Variants in EML5 observed in about 807,000 individuals in gnomAD.
EML5 encodes EMAP like 5, also known as echinoderm microtubule-associated protein-like 5.
A neutral mutation model predicts 250.0 loss-of-function variants in EML5; 120 were observed. The ratio of observed to expected loss-of-function variants is 0.48; its 90% confidence interval spans 0.41 to 0.56. EML5 has a LOEUF of 0.56. Ranked by LOEUF, EML5 falls within the 20% of genes least tolerant of loss-of-function variation. EML5 has a pLI of 0.00. For synonymous variants in EML5, 771 were observed against 806.5 expected, an observed-to-expected ratio of 0.96 and a Z score of 0.75; for missense variants, 2,006 against 2,437.6, an observed-to-expected ratio of 0.82 and a Z score of 3.73.
intron 19 of EML5, 79 bp from the exon 20 acceptor site, chr14:88,685,221 T>C (rs1042669430): frequency 8.2e-7 from 1 of 1,226,578 alleles, no homozygotes; most frequent in African/African-American, 1.5e-5. Flanking sequence ...AATTAAGCTA[T>C]TTTGACAGTG....
At chr14:88,676,504 T>C (rs1486719987) in intron 21 of EML5, among the ~76,000 whole-genome samples, 1 of 152,174 alleles carries the variant, frequency 6.6e-6, no homozygotes, top group African/African-American at 2.4e-5. Context: ...CCACAACATG[T>C]AGGAATTCAA....
At chr14:88,737,171 A>G (rs939320655) in intron 6 of EML5, among the ~76,000 whole-genome samples, 1 of 151,944 alleles carries the variant, frequency 6.6e-6, no homozygotes, top group Non-Finnish European at 1.5e-5. Context: ...ACCATGCAGC[A>G]CTCCCCTCCT....
intron 17 of EML5, among the ~76,000 whole-genome samples, chr14:88,688,726 G>C (rs1189652299): frequency 6.6e-6 from 1 of 152,158 alleles, no homozygotes; most frequent in Non-Finnish European, 1.5e-5. Flanking sequence ...CACTTTTGAT[G>C]ATGTTTTTTA....
intron 41 of EML5, chr14:88,617,999 CTT>C (rs2088012300): frequency 4.3e-6 from 1 of 231,904 alleles, no homozygotes; most frequent in Non-Finnish European, 6.9e-6. Context: ...AAAGTTAAAA[CTT>C]TGATTTCCTT....
chr14:88,643,844 TGGGGAGGGAAC>T (rs2091204666), intron 30 of EML5, among the ~76,000 whole-genome samples: 1 of 152,178 alleles, frequency 6.6e-6, no homozygotes, highest in African/African-American at 2.4e-5. Context: ...AGGACTAGGT[TGGGGAGGGAAC>T]GACAGCAATC....
chr14:88,711,851 A>G (rs1180064351), intron 10 of EML5, among the ~76,000 whole-genome samples: 1 of 152,072 alleles, frequency 6.6e-6, no homozygotes, highest in African/African-American at 2.4e-5. Context: ...AAGCTGAGGC[A>G]GGAGGGTTGA....
At chr14:88,696,164 AATATATATATAT>A (rs10551487) in intron 15 of EML5, among the ~76,000 whole-genome samples, 19 of 147,440 alleles carry the variant, frequency 1.3e-4, no homozygotes, top group African/African-American at 4.5e-4. Context: ...CAACTCTTTG[AATATATATATAT>A]ATATATATAT....
rs549587584 is a variant in EML5, at chr14:88,725,849, T to G, written c.1187+692A>C. On this transcript the variant is annotated intron_variant, in intron 8 of 43. Transcript: ENST00000554922. ...ATTAATATGAGAGCTATCTCAGAAG[T>G]AGACTCTCCAGAACTCTTTAATTAA... Among the ~76,000 whole-genome samples, 31 of 152,250 alleles carry G rather than the reference T, an allele frequency of 2.0e-4. No homozygotes were observed. In the South Asian group the frequency reaches 3.7e-3, roughly 18 times the overall value.
chr14:88,745,384 G>C (rs1014751489), intron 3 of EML5, among the ~76,000 whole-genome samples: 4 of 151,930 alleles, frequency 2.6e-5, no homozygotes, highest in Middle Eastern at 3.2e-3. Context: ...ACACTTTTAG[G>C]AGTTTACAAC....
At chr14:88,684,901 C>G in intron 20 of EML5, 114 bp downstream of exon 20, 3 of 989,512 alleles carry the variant, frequency 3.0e-6, no homozygotes, top group Non-Finnish European at 4.2e-6. Context: ...TATACATTAA[C>G]AAATATTTCC....
chr14:88,677,646 G>T (rs2092625673), intron 21 of EML5, among the ~76,000 whole-genome samples: 1 of 152,188 alleles, frequency 6.6e-6, no homozygotes, highest in Non-Finnish European at 1.5e-5. Context: ...GACATAAGCA[G>T]ACAATTCTCA....
chr14:88,665,281 A>T, intron 22 of EML5, 56 bp downstream of exon 22: 1 of 1,526,118 alleles, frequency 6.6e-7, no homozygotes, highest in Non-Finnish European at 8.8e-7. Flanking sequence ...ACATTGATAC[A>T]TTTATACACT....
At chr14:88,688,596 A>G (rs1208258193) in intron 17 of EML5, 123 bp from the exon 18 acceptor site, 25 of 945,904 alleles carry the variant, frequency 2.6e-5, no homozygotes, top group Non-Finnish European at 4.0e-5. Context: ...CAGTAAGGAG[A>G]ATTGAAAACT....
rs1050366854 is a variant in EML5, at chr14:88,755,839, A to T, written c.198-1168T>A. On this transcript the variant is annotated intron_variant, in intron 1 of 43. Coordinates refer to ENST00000554922, the MANE Select transcript of EML5 (RefSeq NM_183387.3). The stretch of plus-strand genomic sequence containing the variant: ...AAACCATTGTCTCTACAAAAAAAAA[A>T]TTTTTTTTAATGAGCCAGACATAGC... Among the ~76,000 whole-genome samples, 52 of 152,028 alleles carry T rather than the reference A, an allele frequency of 3.4e-4. 1 individual carries two copies. Among genetic ancestry groups the T allele is most frequent in the Admixed American group, 8.5e-4 (13 of 15,270 alleles).
At position 88,792,562 on chromosome 14, in the gene EML5, C is replaced by A; in HGVS notation, c.-59G>T. On this transcript the variant is annotated 5_prime_UTR_variant, in exon 1 of 44. Transcript: ENST00000554922. The surrounding 1 kb of genome is among the most constrained non-coding windows in gnomAD (Gnocchi z 6.9). The stretch of plus-strand genomic sequence containing the variant: ...CCGCGGCGGCGACGGGAGGCGGCGG[C>A]GGCCCGGCAACGAAAGCCCTCCCGC... The A allele has an allele frequency of 2.5e-6, 3 of 1,214,002 alleles. 1 individual carries two copies. In the South Asian group the frequency reaches 1.2e-4, roughly 49 times the overall value. The allele number at this position is 1,214,002 out of a possible 1,614,324, so 75.2% of individuals were successfully genotyped here. A position where few individuals can be genotyped will look rare whatever the true frequency, so the allele number is the denominator to read the frequency against.
intron 7 of EML5, among the ~76,000 whole-genome samples, chr14:88,729,703 G>T (rs2093723622): frequency 6.6e-6 from 1 of 151,942 alleles, no homozygotes; most frequent in African/African-American, 2.4e-5. Flanking sequence ...GGGATTACAA[G>T]CATGTGCCAC....
At chr14:88,672,537 T>A (rs2092490528) in intron 21 of EML5, among the ~76,000 whole-genome samples, 1 of 150,528 alleles carries the variant, frequency 6.6e-6, no homozygotes, top group African/African-American at 2.5e-5. Flanking sequence ...AGACAAGAAA[T>A]AACCAAGATC....
intron 1 of EML5, among the ~76,000 whole-genome samples, chr14:88,770,789 A>C (rs193277321): frequency 6.6e-6 from 1 of 152,350 alleles, no homozygotes; most frequent in African/African-American, 2.4e-5. Flanking sequence ...TTGGGAGACA[A>C]ATGACAGATG....
intron 21 of EML5, among the ~76,000 whole-genome samples, chr14:88,672,583 G>A (rs545976405): frequency 5.6e-4 from 85 of 151,590 alleles, no homozygotes; most frequent in African/African-American, 1.2e-3. Flanking sequence ...CACGAAAAGC[G>A]CGTCAAAAAA....
Sources: allele counts gnomAD v4.1 joint callset (sites outside exome capture counted in the v4.1 genomes callset), GRCh38; gene constraint gnomAD v4.1.1; non-coding constraint Gnocchi (gnomAD v3.1); transcripts MANE v1.5; gene names NCBI Gene and HGNC (gene_info 2026-07-23, HGNC 2026-07-21).